The following CDH10 variants were observed in gnomAD, a reference collection of about 807,000 sequenced individuals.
The protein encoded by CDH10 is cadherin 10, also known as cadherin-10.
Under a neutral mutation model 73.1 loss-of-function variants are expected in CDH10, and 30 were observed. The ratio of observed to expected loss-of-function variants is 0.41; its 90% CI spans 0.31 to 0.56. The LOEUF (loss-of-function observed/expected upper bound fraction) is 0.56, where lower values mean the gene tolerates loss of function less well. Among genes scored for constraint, CDH10 ranks in the 20% least tolerant of loss-of-function variants. The pLI is 0.27. For missense variants in CDH10, 815 were observed against 973.7 expected, an observed-to-expected ratio of 0.84 and a Z score of 2.17; for synonymous variants, 345 against 348.2, an observed-to-expected ratio of 0.99 and a Z score of 0.10.
chr5:24,608,778 A>C (rs1274552065), intron 1 of CDH10, among the ~76,000 whole-genome samples: 1 of 152,236 alleles, frequency 6.6e-6, no homozygotes, highest in Non-Finnish European at 1.5e-5. Flanking sequence ...TGAGGATATA[A>C]TGGCACAAGA....
intron 7 of CDH10, among the ~76,000 whole-genome samples, chr5:24,505,911 C>T (rs938589012): frequency 6.6e-6 from 1 of 152,134 alleles, no homozygotes; most frequent in Non-Finnish European, 1.5e-5. Context: ...GTCAGGAGTT[C>T]AAAAGCAGCC....
intron 2 of CDH10, among the ~76,000 whole-genome samples, chr5:24,551,565 C>T (rs1185918130): frequency 6.6e-6 from 1 of 152,078 alleles, no homozygotes; most frequent in Non-Finnish European, 1.5e-5. Flanking sequence ...TATGGTCTCA[C>T]AGTCTCTTCA....
intron 2 of CDH10, among the ~76,000 whole-genome samples, chr5:24,588,588 C>A (rs1746096338): frequency 6.6e-6 from 1 of 152,130 alleles, no homozygotes; most frequent in African/African-American, 2.4e-5. Flanking sequence ...ACAGCTTCTC[C>A]TCCGACTTCA....
intron 1 of CDH10, among the ~76,000 whole-genome samples, chr5:24,620,990 T>C (rs1477314884): frequency 1.3e-5 from 2 of 152,218 alleles, no homozygotes; most frequent in African/African-American, 2.4e-5. Context: ...CTTGGACCTA[T>C]CAGCATTTGA....
At chr5:24,619,343 A>G (rs1454904106) in intron 1 of CDH10, among the ~76,000 whole-genome samples, 12 of 152,100 alleles carry the variant, frequency 7.9e-5, no homozygotes, top group South Asian at 4.1e-4. Flanking sequence ...ACAGGCACCC[A>G]CCACCACGCC....
chr5:24,522,453 T>C (rs1743371073), intron 5 of CDH10, among the ~76,000 whole-genome samples: 1 of 151,704 alleles, frequency 6.6e-6, no homozygotes, highest in Non-Finnish European at 1.5e-5. Flanking sequence ...TAGGAATGCA[T>C]GAGATCCAGA....
chr5:24,616,813 G>C (rs1041764734), intron 1 of CDH10, among the ~76,000 whole-genome samples: 10 of 152,018 alleles, frequency 6.6e-5, no homozygotes, highest in Non-Finnish European at 1.0e-4. Flanking sequence ...TCACTCTGTG[G>C]CATGACCATA....
rs1338227500 is a variant in CDH10, at chr5:24,505,160, G to C, written c.1345C>G (p.Arg449Gly). The change falls in exon 8 of 12, where the codon CGT (arginine) becomes GGT (glycine). Residue 449 changes from arginine (R) to glycine (G), a missense_variant. Transcript: ENST00000264463. ...AGATTATGCCACTGAGATAGTTCAC[G>C]GTCAAGAGGTTTTGATGTATAAAGA... is the stretch of plus-strand genomic sequence containing the variant. ...GSLYTSKPLD[R>G]ELSQWHNLTV... 6.2e-7 allele frequency: 1 copy of C among 1,612,026 alleles called. No homozygotes were observed. The highest frequency in any genetic ancestry group is 1.3e-5 in the African/African-American group (1 of 74,798).
At chr5:24,616,628 T>G (rs1323947493) in intron 1 of CDH10, among the ~76,000 whole-genome samples, 5 of 152,174 alleles carry the variant, frequency 3.3e-5, no homozygotes, top group Non-Finnish European at 5.9e-5. Flanking sequence ...TTGTTCTTGT[T>G]CTGTGAGTAC....
intron 2 of CDH10, among the ~76,000 whole-genome samples, chr5:24,553,751 A>G (rs932645120): frequency 6.6e-6 from 1 of 152,062 alleles, no homozygotes; most frequent in African/African-American, 2.4e-5. Flanking sequence ...CTCCTATTGA[A>G]TCCCCATCAA....
At chr5:24,521,661 ACT>A (rs1208970170) in intron 5 of CDH10, among the ~76,000 whole-genome samples, 1 of 152,068 alleles carries the variant, frequency 6.6e-6, no homozygotes, top group African/African-American at 2.4e-5. Flanking sequence ...CTAGACTATA[ACT>A]CTAAAAAATA....
intron 5 of CDH10, among the ~76,000 whole-genome samples, chr5:24,531,675 C>G (rs563656207): frequency 1.3e-5 from 2 of 152,156 alleles, no homozygotes; most frequent in Non-Finnish European, 2.9e-5. Flanking sequence ...GGAAAGACCA[C>G]CCCCGTGATT....
chr5:24,582,214 T>A (rs1420813170), intron 2 of CDH10, among the ~76,000 whole-genome samples: 1 of 152,166 alleles, frequency 6.6e-6, no homozygotes, highest in East Asian at 1.9e-4. Flanking sequence ...CACATTGATA[T>A]TGCATAACAT....
At chr5:24,611,955 CA>C (rs1746964261) in intron 1 of CDH10, 1 of 152,246 alleles carries the variant, frequency 6.6e-6, no homozygotes, top group Non-Finnish European at 1.5e-5. Context: ...AACCTGCCAA[CA>C]ACCACCCATT....
intron 1 of CDH10, among the ~76,000 whole-genome samples, chr5:24,620,517 A>C (rs1200293994): frequency 1.3e-5 from 2 of 152,186 alleles, no homozygotes; most frequent in African/African-American, 4.8e-5. Context: ...TATTGAATAA[A>C]GAGAGATCTC....
At chr5:24,557,678 C>A (rs1443641098) in intron 2 of CDH10, among the ~76,000 whole-genome samples, 1 of 151,640 alleles carries the variant, frequency 6.6e-6, no homozygotes, top group Non-Finnish European at 1.5e-5. Context: ...ATAATAAAAG[C>A]CTGAGGTTAC....
At chr5:24,539,731 A>G (rs994722705) in intron 2 of CDH10, among the ~76,000 whole-genome samples, 1 of 152,076 alleles carries the variant, frequency 6.6e-6, no homozygotes, top group African/African-American at 2.4e-5. Context: ...TTAACTAAAA[A>G]GCTTTCCGAA....
At chr5:24,495,628 C>G (rs928811981) in intron 9 of CDH10, among the ~76,000 whole-genome samples, 1 of 152,008 alleles carries the variant, frequency 6.6e-6, no homozygotes, top group Non-Finnish European at 1.5e-5. Flanking sequence ...GTGGGCGGAT[C>G]ACAAGGTCAG....
rs780952857 is a variant in CDH10 at position 24,505,266 on chromosome 5, G to GA, written c.1257-19dup. The GA allele has an allele frequency of 8.1e-6, 13 of 1,605,556 alleles. No individual in the cohort carries two copies. Among genetic ancestry groups the GA allele is most frequent in the South Asian group, 3.3e-5 (3 of 90,528 alleles). ...AGGAAAATCTGAACATGGAGGGCAA[G>GA]AAAAAATACATGGCAGCATTATTAA... is the stretch of plus-strand genomic sequence containing the variant. On this transcript the variant is annotated intron_variant, in intron 7 of 11. Transcript: ENST00000264463.
Sources: gnomAD v4.1 joint callset for allele counts (sites outside exome capture counted in the v4.1 genomes callset) on GRCh38, gnomAD v4.1.1 for gene constraint, MANE v1.5 for transcripts, NCBI Gene and HGNC (gene_info 2026-07-23, HGNC 2026-07-21) for gene names.